DGKG: variants seen among roughly 807,000 people sequenced by gnomAD.
DGKG encodes the protein DAG kinase gamma.
Under a neutral mutation model 105.3 loss-of-function variants are expected in DGKG, and 78 were observed. The ratio of observed to expected loss-of-function variants is 0.74; its 90% CI spans 0.62 to 0.89. DGKG has a LOEUF of 0.89. Among genes scored for constraint, DGKG ranks in the 40% least tolerant of loss-of-function variants. The pLI is 0.00. For missense variants in DGKG, 958 were observed against 1,020.1 expected (o/e 0.94, Z 0.83); for synonymous variants, 346 against 367.1 (o/e 0.94, Z 0.66).
chr3:186,233,304 T>C (rs1251516659), intron 20 of DGKG, among the ~76,000 whole-genome samples: 26 of 152,006 alleles, frequency 1.7e-4, no homozygotes, highest in Non-Finnish European at 3.8e-4. Flanking sequence ...GCTTCAACAA[T>C]GGGAGGGGGC....
chr3:186,197,038 C>T (rs1718213745), intron 21 of DGKG, among the ~76,000 whole-genome samples: 1 of 152,040 alleles, frequency 6.6e-6, no homozygotes, highest in Admixed American at 6.5e-5. Flanking sequence ...GTTGGGATGC[C>T]TAGGATGGGA....
intron 1 of DGKG, among the ~76,000 whole-genome samples, chr3:186,360,288 C>T (rs1727165834): frequency 6.6e-6 from 1 of 152,082 alleles, no homozygotes; most frequent in African/African-American, 2.4e-5. Context: ...CCAACCACTC[C>T]ATAAAATTCT....
chr3:186,255,861 A>C (rs1473996942), intron 17 of DGKG, among the ~76,000 whole-genome samples: 6 of 152,182 alleles, frequency 3.9e-5, no homozygotes, highest in Non-Finnish European at 7.4e-5. Context: ...GAGTGAACGG[A>C]TGAATATCTT....
At chr3:186,353,122 C>T (rs1726715525) in intron 1 of DGKG, among the ~76,000 whole-genome samples, 1 of 152,138 alleles carries the variant, frequency 6.6e-6, no homozygotes, top group Non-Finnish European at 1.5e-5. Context: ...CTTCACGCAT[C>T]CTTTAAATTT....
chr3:186,188,971 T>C (rs1467208719), intron 21 of DGKG, among the ~76,000 whole-genome samples: 1 of 152,130 alleles, frequency 6.6e-6, no homozygotes, highest in East Asian at 1.9e-4. Flanking sequence ...CCTGCCACCA[T>C]GCCTGGCTAG....
intron 17 of DGKG, among the ~76,000 whole-genome samples, chr3:186,254,815 C>T (rs552407562): frequency 6.6e-6 from 1 of 152,286 alleles, no homozygotes; most frequent in Admixed American, 6.5e-5. Flanking sequence ...ACCACAGTCC[C>T]TCGCACTGGC....
intron 13 of DGKG, 41 bp downstream of exon 13, chr3:186,267,644 C>T: frequency 6.5e-7 from 1 of 1,531,590 alleles, no homozygotes. Flanking sequence ...GAAACCAGAA[C>T]CCGGAGAAGC....
chr3:186,232,865 T>C (rs778685416), intron 20 of DGKG, among the ~76,000 whole-genome samples: 20 of 152,250 alleles, frequency 1.3e-4, no homozygotes, highest in Non-Finnish European at 2.5e-4. Context: ...AGAGTCTTAA[T>C]GGCTTCTGAA....
At chr3:186,253,688 T>G (rs1480054894) in intron 17 of DGKG, among the ~76,000 whole-genome samples, 1 of 152,172 alleles carries the variant, frequency 6.6e-6, no homozygotes, top group Non-Finnish European at 1.5e-5. Flanking sequence ...TGGTCAATAC[T>G]TGAATGGCAG....
chr3:186,221,355 A>G (rs1396028960), intron 20 of DGKG, among the ~76,000 whole-genome samples: 2 of 150,738 alleles, frequency 1.3e-5, no homozygotes, highest in African/African-American at 4.8e-5. Context: ...GAAAAAAGAA[A>G]GAAAGAAAAA....
intron 20 of DGKG, among the ~76,000 whole-genome samples, chr3:186,218,375 A>AT (rs1441470192): frequency 6.6e-6 from 1 of 151,868 alleles, no homozygotes; most frequent in Non-Finnish European, 1.5e-5. Context: ...GTGGTGGTGC[A>AT]TGACTGTAAT....
chr3:186,285,301 T>G (rs1025029917), intron 6 of DGKG, among the ~76,000 whole-genome samples: 1 of 152,254 alleles, frequency 6.6e-6, no homozygotes, highest in Non-Finnish European at 1.5e-5. Context: ...ATTTTTATTT[T>G]CCTTTTCAAA....
chr3:186,291,327 A>C lies in DGKG; in HGVS notation c.374-2447T>G, dbSNP rs897746438. Among the ~76,000 whole-genome samples, 3 of 152,252 alleles carry C rather than the reference A, an allele frequency of 2.0e-5. No individual in the cohort carries two copies. In the East Asian group the frequency reaches 5.8e-4, roughly 29 times the overall value. ...CAATATCCCTTATGAACACAGAGGC[A>C]AACGTTCTTAATATTTTAGCAAATT... On this transcript the variant is annotated intron_variant, in intron 5 of 24. Transcript: ENST00000265022.
At chr3:186,216,611 C>G (rs1035539233) in intron 20 of DGKG, among the ~76,000 whole-genome samples, 3 of 152,114 alleles carry the variant, frequency 2.0e-5, no homozygotes, top group Non-Finnish European at 1.5e-5. Flanking sequence ...CTTCCTTTTC[C>G]TTTGTCAACA....
intron 19 of DGKG, among the ~76,000 whole-genome samples, chr3:186,247,182 T>C (rs1720985365): frequency 6.6e-6 from 1 of 152,186 alleles, no homozygotes; most frequent in Admixed American, 6.5e-5. Flanking sequence ...AGCTTCTCAC[T>C]GGTGAGAAAC....
chr3:186,254,867 TG>T (rs1721389367), intron 17 of DGKG, among the ~76,000 whole-genome samples: 2 of 152,306 alleles, frequency 1.3e-5, no homozygotes, highest in African/African-American at 4.8e-5. Context: ...TGGCTCCTCA[TG>T]GCCCCATAGC....
chr3:186,237,608 C>T (rs1025669940), intron 20 of DGKG, among the ~76,000 whole-genome samples: 14 of 152,268 alleles, frequency 9.2e-5, no homozygotes, highest in African/African-American at 3.1e-4. Context: ...AGCACTTACC[C>T]TTGCATGTTA....
intron 24 of DGKG, chr3:186,158,182 T>C: frequency 1.4e-6 from 1 of 711,692 alleles, no homozygotes; most frequent in South Asian, 6.4e-5. Flanking sequence ...TTTCTTCTTT[T>C]ATCTTTATTA....
chr3:186,332,930 G>A (rs375509661), intron 1 of DGKG, among the ~76,000 whole-genome samples: 3 of 152,144 alleles, frequency 2.0e-5, no homozygotes, highest in Admixed American at 6.5e-5. Context: ...GAACTAACAC[G>A]TTCAGCCCCC....
Sources: gnomAD v4.1 joint callset for allele counts (sites outside exome capture counted in the v4.1 genomes callset) on GRCh38, gnomAD v4.1.1 for gene constraint, MANE v1.5 for transcripts, NCBI Gene and HGNC (gene_info 2026-07-23, HGNC 2026-07-21) for gene names.